The following LRRC49 variants were observed in gnomAD, a reference collection of about 807,000 sequenced individuals.
The protein encoded by LRRC49 is leucine rich repeat containing 49.
A neutral mutation model predicts 83.3 loss-of-function variants in LRRC49; 50 were observed. The observed-to-expected ratio is 0.60, with a 90% confidence interval of 0.48 to 0.76. LRRC49 has a LOEUF of 0.76. Among genes scored for constraint, LRRC49 ranks in the 30% least tolerant of loss-of-function variants. The pLI, the probability that LRRC49 is intolerant of heterozygous loss-of-function variation, is 0.00. For synonymous variants in LRRC49, 286 were observed against 283.3 expected (o/e 1.01, Z -0.10); for missense variants, 704 against 809.1 (o/e 0.87, Z 1.58).
At chr15:71,006,154 G>A (rs1466425060) in intron 11 of LRRC49, among the ~76,000 whole-genome samples, 1 of 152,046 alleles carries the variant, frequency 6.6e-6, no homozygotes, top group Non-Finnish European at 1.5e-5. Context: ...GCTTTGTTTT[G>A]TAACCATGTC....
At chr15:70,952,758 G>T (rs956960154) in intron 8 of LRRC49, among the ~76,000 whole-genome samples, 8 of 152,082 alleles carry the variant, frequency 5.3e-5, no homozygotes, top group African/African-American at 1.9e-4. Flanking sequence ...TTGTTTGGTT[G>T]TCTGAATCTC....
chr15:71,036,635 A>G (rs1001574909), intron 14 of LRRC49, among the ~76,000 whole-genome samples: 3 of 152,154 alleles, frequency 2.0e-5, no homozygotes, highest in African/African-American at 7.2e-5. Flanking sequence ...TCTTGTTTCA[A>G]TATTTAACCC....
At chr15:70,948,684 T>C (rs1431833299) in intron 8 of LRRC49, among the ~76,000 whole-genome samples, 8 of 152,164 alleles carry the variant, frequency 5.3e-5, no homozygotes, top group African/African-American at 2.4e-5. Context: ...TCTTATACTT[T>C]TGCAGTCCTA....
chr15:70,940,251 A>ATTTTTTTTTTTT (rs398027829), intron 8 of LRRC49, among the ~76,000 whole-genome samples: 1 of 87,064 alleles, frequency 1.1e-5, no homozygotes, highest in African/African-American at 3.9e-5. Context: ...GAATATATGG[A>ATTTTTTTTTTTT]TTTTTTTTTT....
Position 70,963,833 on chromosome 15 carries a change from C to T in LRRC49, c.822C>T (p.Ile274=). The change falls in exon 9 of 16, where the codon ATC becomes ATT. Residue 274 remains isoleucine (I), a synonymous_variant. Transcript: ENST00000260382. ...CTGACTCTTCTTCCCTCTCGGACAT[C>T]ACCTTTGATGGCAATCCCATAGCTC... The part of the protein sequence containing the change: ...CLADSSSLSD[I]TFDGNPIAQE... The T allele has an allele frequency of 6.2e-7, 1 of 1,613,682 alleles. No individual in the cohort carries two copies.
chr15:70,916,587 G>A (rs1327102894), intron 6 of LRRC49, among the ~76,000 whole-genome samples: 3 of 152,158 alleles, frequency 2.0e-5, no homozygotes, highest in East Asian at 1.9e-4. Flanking sequence ...GAGCTACCGC[G>A]CCTGGCCTCA....
At chr15:70,893,533 A>G in intron 1 of LRRC49, 51 bp from the exon 2 acceptor site, 2 of 1,070,698 alleles carry the variant, frequency 1.9e-6, no homozygotes, top group East Asian at 2.4e-5. Context: ...TTTTGGAAAT[A>G]TGTGTTTGTG....
chr15:70,984,419 A>G (rs553046175), intron 11 of LRRC49, 162 bp downstream of exon 11: 15 of 585,582 alleles, frequency 2.6e-5, no homozygotes, highest in African/African-American at 5.7e-5. Flanking sequence ...AAATCTTACT[A>G]TAACATTCTC....
At chr15:70,891,713 C>A (rs1595985475), upstream of LRRC49, 5 of 803,630 alleles carry the variant, frequency 6.2e-6, no homozygotes, top group East Asian at 1.4e-4. Flanking sequence ...ACCTCTAAAG[C>A]ACACCCCTAA....
intron 7 of LRRC49, among the ~76,000 whole-genome samples, chr15:70,935,372 C>T (rs554458989): frequency 6.6e-6 from 1 of 152,202 alleles, no homozygotes; most frequent in East Asian, 1.9e-4. Flanking sequence ...CTTCATTTTT[C>T]CTTTGCTCCC....
intron 9 of LRRC49, among the ~76,000 whole-genome samples, chr15:70,974,693 A>G (rs1466724733): frequency 6.6e-6 from 1 of 151,938 alleles, no homozygotes; most frequent in Admixed American, 6.6e-5. Context: ...TCAAGCTAAT[A>G]ATGGCTTTTA....
intron 14 of LRRC49, among the ~76,000 whole-genome samples, chr15:71,015,371 A>T (rs2038792601): frequency 6.6e-6 from 1 of 152,176 alleles, no homozygotes; most frequent in African/African-American, 2.4e-5. Context: ...TTTTGGAATG[A>T]AACTGTTCCA....
intron 1 of LRRC49, among the ~76,000 whole-genome samples, chr15:70,869,617 G>A (rs555210946): frequency 1.6e-4 from 24 of 152,258 alleles, no homozygotes; most frequent in African/African-American, 5.3e-4. Flanking sequence ...CTTTATCAGC[G>A]ATTACTGTCA....
At chr15:70,859,963 C>T (rs2032748191) in intron 1 of LRRC49, 7 of 762,840 alleles carry the variant, frequency 9.2e-6, no homozygotes, top group South Asian at 2.7e-5. Flanking sequence ...AGACCACCAG[C>T]GGCTATGCAG....
intron 7 of LRRC49, among the ~76,000 whole-genome samples, chr15:70,919,953 A>T (rs1345334819): frequency 1.3e-5 from 2 of 152,306 alleles, no homozygotes; most frequent in East Asian, 3.9e-4. Context: ...CAGCAACTAA[A>T]TAGAAGCTTG....
intron 7 of LRRC49, among the ~76,000 whole-genome samples, chr15:70,926,803 A>G (rs917261233): frequency 2.0e-5 from 3 of 152,038 alleles, no homozygotes; most frequent in Non-Finnish European, 4.4e-5. Context: ...TTTGCAGAGA[A>G]TGATGGTTTA....
At chr15:71,049,361 T>G in intron 15 of LRRC49, 48 bp from the exon 16 acceptor site, 1 of 1,250,722 alleles carries the variant, frequency 8.0e-7, no homozygotes. Flanking sequence ...TGCTTTGACT[T>G]TTGGATTAGT....
At chr15:70,880,851 C>A (rs1307381102) in intron 2 of LRRC49, among the ~76,000 whole-genome samples, 1 of 152,186 alleles carries the variant, frequency 6.6e-6, no homozygotes, top group African/African-American at 2.4e-5. Flanking sequence ...AGGAGATAGG[C>A]TATTTCAAAG....
chr15:71,022,516 A>G (rs1309825553), intron 14 of LRRC49, among the ~76,000 whole-genome samples: 2 of 152,242 alleles, frequency 1.3e-5, no homozygotes, highest in Admixed American at 6.5e-5. Flanking sequence ...GATAAACAAC[A>G]TAAATACTTA....
Sources: allele counts gnomAD v4.1 joint callset (sites outside exome capture counted in the v4.1 genomes callset), GRCh38; gene constraint gnomAD v4.1.1; transcripts MANE v1.5; gene names NCBI Gene and HGNC (gene_info 2026-07-23, HGNC 2026-07-21).